Variants in ARID1A observed in about 807,000 individuals in gnomAD.
The protein encoded by ARID1A is AT-rich interaction domain 1A.
Under a neutral mutation model 212.6 loss-of-function variants are expected in ARID1A, and 20 were observed. That is an observed-to-expected ratio of 0.09 (90% CI 0.07 to 0.14). The LOEUF (loss-of-function observed/expected upper bound fraction) is 0.14, where lower values mean the gene tolerates loss of function less well. ARID1A is among the 10% of genes least tolerant of loss of function. ARID1A has a pLI of 1.00. For synonymous variants in ARID1A, 1,376 were observed against 1,222.1 expected, an observed-to-expected ratio of 1.13 and a Z score of -2.63; for missense variants, 2,587 against 3,059.0, an observed-to-expected ratio of 0.85 and a Z score of 3.64.
At position 26,710,366 on chromosome 1, in the gene ARID1A, AGAG is replaced by A. The variant is rs1431212787; in HGVS notation, c.1137+12828_1137+12830del. 8.2e-5 allele frequency among the ~76,000 whole-genome samples: 11 copies of A among 134,370 alleles called. No homozygotes were observed. The East Asian group carries it at 1.8e-3, about 23-fold the overall frequency. 88.2% of individuals were successfully genotyped at this position (134,370 alleles called of 152,430 possible). A position where few individuals can be genotyped will look rare whatever the true frequency, so the allele number is the denominator to read the frequency against. On this transcript the variant is annotated intron_variant, in intron 1 of 19. Coordinates refer to ENST00000324856, the MANE Select transcript of ARID1A (RefSeq NM_006015.6). ...GGAGAATCGCTTGAACCTGGGAGGC[AGAG>A]GTTGCAGTGAGCCGAGATCACGCTT...
At chr1:26,704,489 C>T (rs1012469445) in intron 1 of ARID1A, among the ~76,000 whole-genome samples, 7 of 152,118 alleles carry the variant, frequency 4.6e-5, no homozygotes, top group African/African-American at 1.7e-4. Flanking sequence ...TTGTGTTAGA[C>T]CTTATATTGA....
intron 1 of ARID1A, among the ~76,000 whole-genome samples, chr1:26,706,321 A>C (rs1362172660): frequency 6.6e-6 from 1 of 152,110 alleles, no homozygotes; most frequent in Non-Finnish European, 1.5e-5. Context: ...TCTCTCTTAA[A>C]CTTGTTCGTT....
chr1:26,741,443 G>C (rs2080787635), intron 4 of ARID1A, among the ~76,000 whole-genome samples: 1 of 152,110 alleles, frequency 6.6e-6, no homozygotes, highest in Non-Finnish European at 1.5e-5. Context: ...GAGTCTGGCT[G>C]AATCAGTCCA....
In ARID1A at chr1:26,696,801, G is replaced by A; in HGVS notation, c.398G>A (p.Gly133Glu). Reference protein sequence around the residue: ...GGGGGSSDGVGAPPHSAAAAL... With the variant: ...GGGGGSSDGVEAPPHSAAAAL... ...GGTGGCGGCAGCAGCGATGGGGTGG[G>A]GGCGCCTCCTCACTCAGCCGCGGCC... The change falls in exon 1 of 20, where the codon GGG (glycine) becomes GAG (glutamate). Residue 133 changes from glycine to glutamate, a missense_variant. Gly to Glu is a moderately conservative substitution (Grantham distance 98). Transcript: ENST00000324856. The A allele has an allele frequency of 7.5e-7, 1 of 1,340,756 alleles. No homozygotes were observed. The highest frequency in any genetic ancestry group is 9.5e-7 in the Non-Finnish European group (1 of 1,050,136). 83.1% of individuals were successfully genotyped at this position (1,340,756 alleles called of 1,614,324 possible).
intron 1 of ARID1A, among the ~76,000 whole-genome samples, chr1:26,710,378 G>A: frequency 7.4e-6 from 1 of 134,274 alleles, no homozygotes. Context: ...AGGTTGCAGT[G>A]AGCCGAGATC....
chr1:26,717,896 G>A (rs1030211155), intron 1 of ARID1A, among the ~76,000 whole-genome samples: 1 of 152,192 alleles, frequency 6.6e-6, no homozygotes, highest in African/African-American at 2.4e-5. Context: ...AAGGATCTAT[G>A]AATACAAAGG....
At chr1:26,714,090 T>C (rs973739837) in intron 1 of ARID1A, among the ~76,000 whole-genome samples, 1 of 152,192 alleles carries the variant, frequency 6.6e-6, no homozygotes, top group Non-Finnish European at 1.5e-5. Flanking sequence ...TGTTGGCTAG[T>C]TTAGAATGCC....
intron 1 of ARID1A, among the ~76,000 whole-genome samples, chr1:26,703,028 G>T (rs2080345847): frequency 6.6e-6 from 1 of 152,192 alleles, no homozygotes; most frequent in African/African-American, 2.4e-5. Flanking sequence ...CAACTTGAGT[G>T]TGATCTTTAT....
rs1160694314 is a variant in ARID1A, at chr1:26,772,604, A to G, written c.3511A>G (p.Ser1171Gly). The G allele has an allele frequency of 6.2e-7, 1 of 1,614,208 alleles. No individual in the cohort carries two copies. The highest frequency in any genetic ancestry group is 8.5e-7 in the Non-Finnish European group (1 of 1,180,038). The change falls in exon 13 of 20, where the codon AGT (serine) becomes GGT (glycine). Residue 1171 changes from serine to glycine, a missense_variant. Transcript: ENST00000324856. ...ACCAACTCCAGCATCCACACCACAC[A>G]GTCAGATCCCCCCATTGCCAGGCAT... ...KPPTPASTPH[S>G]QIPPLPGMSR...
chr1:26,756,798 A>G (rs940147508), intron 4 of ARID1A, among the ~76,000 whole-genome samples: 26 of 151,216 alleles, frequency 1.7e-4, no homozygotes, highest in Admixed American at 1.6e-3. Flanking sequence ...CGCCTTCCAG[A>G]TTCACGCCAT....
Position 26,696,295 on chromosome 1 carries a change from C to T in ARID1A, c.-109C>T, listed in dbSNP as rs1441863691. On this transcript the variant is annotated 5_prime_UTR_variant, in exon 1 of 20. Transcript: ENST00000324856. ...GCAGCGGAGCCCCGCGAGGCCCGCC[C>T]GGGCGGGTGGGGAGGGCAGCCCGGG... 223 of 1,091,564 alleles carry T rather than the reference C, an allele frequency of 2.0e-4. 3 individuals carry two copies. In the South Asian group the frequency reaches 7.5e-3, roughly 37 times the overall value. 67.6% of individuals were successfully genotyped at this position (1,091,564 alleles called of 1,614,324 possible). A position where few individuals can be genotyped will look rare whatever the true frequency, so the allele number is the denominator to read the frequency against.
intron 1 of ARID1A, among the ~76,000 whole-genome samples, chr1:26,703,920 A>G (rs1347682889): frequency 6.6e-6 from 1 of 152,262 alleles, no homozygotes; most frequent in Non-Finnish European, 1.5e-5. Flanking sequence ...TGTAGACCAC[A>G]CTAATTATGT....
Position 26,760,888 on chromosome 1 carries a change from G to A in ARID1A, c.1953G>A (p.Met651Ile), listed in dbSNP as rs2124054150. The part of the protein sequence containing the change: ...DLSGSIDDLP[M>I]GTEGALSPGV... ...CTGGTTCAATAGATGACCTCCCCATGGGGACAGAAGGAGCTCTGAGTCCTG... is the reference window on the plus strand; with the variant it reads ...CTGGTTCAATAGATGACCTCCCCATAGGGACAGAAGGAGCTCTGAGTCCTG... Residue 651 changes from methionine (M) to isoleucine (I), a missense_variant, in exon 5 of 20, where the codon ATG becomes ATA. Met to Ile is a conservative substitution (Grantham distance 10, BLOSUM62 1). Transcript: ENST00000324856. 1 of 1,613,836 alleles carries A rather than the reference G, an allele frequency of 6.2e-7. No homozygotes were observed. The highest frequency in any genetic ancestry group is 8.5e-7 in the Non-Finnish European group (1 of 1,179,856).
intron 1 of ARID1A, among the ~76,000 whole-genome samples, chr1:26,720,533 A>G (rs554297680): frequency 8.5e-4 from 129 of 152,114 alleles, no homozygotes; most frequent in Non-Finnish European, 1.6e-3. Flanking sequence ...ACCTTTGGGC[A>G]TGTAGCCCAA....
intron 1 of ARID1A, among the ~76,000 whole-genome samples, chr1:26,717,791 C>A (rs1309368339): frequency 2.0e-5 from 3 of 152,026 alleles, no homozygotes; most frequent in African/African-American, 7.3e-5. Flanking sequence ...GGGTTAAAAT[C>A]TTAGAGGAGT....
intron 3 of ARID1A, among the ~76,000 whole-genome samples, 160 bp from the exon 4 acceptor site, chr1:26,732,516 C>G (rs896129379): frequency 6.6e-5 from 10 of 152,158 alleles, no homozygotes; most frequent in African/African-American, 2.2e-4. Flanking sequence ...ACATTCTTAC[C>G]AGTCACAGCT....
Position 26,696,329 on chromosome 1 carries a change from C to G in ARID1A, c.-75C>G, listed in dbSNP as rs1262555380. ...GGGGAGGGCAGCCCGGGGGACTGGG[C>G]CCCGGGGCGGGGTGGGAGGGGGGGA... On this transcript the variant is annotated 5_prime_UTR_variant, in exon 1 of 20. Coordinates refer to ENST00000324856, the MANE Select transcript of ARID1A (RefSeq NM_006015.6). The G allele has an allele frequency of 5.8e-6, 7 of 1,198,594 alleles. No individual in the cohort carries two copies. Among genetic ancestry groups the G allele is most frequent in the Non-Finnish European group, 7.2e-6 (7 of 966,988 alleles). The allele number at this position is 1,198,594 out of a possible 1,614,324, so 74.2% of individuals were successfully genotyped here.
intron 8 of ARID1A, 36 bp downstream of exon 8, chr1:26,763,321 G>T: frequency 6.5e-7 from 1 of 1,544,874 alleles, no homozygotes; most frequent in Middle Eastern, 1.7e-4. Flanking sequence ...GTCAGTGCAA[G>T]AAAATGTATT....
chr1:26,735,138 G>C (rs1459775098), intron 4 of ARID1A, among the ~76,000 whole-genome samples: 2 of 148,250 alleles, frequency 1.3e-5, no homozygotes, highest in Non-Finnish European at 3.0e-5. Flanking sequence ...TTTTTTTTGG[G>C]GGGAGAGAGA....
Sources: allele counts gnomAD v4.1 joint callset (sites outside exome capture counted in the v4.1 genomes callset), GRCh38; gene constraint gnomAD v4.1.1; transcripts MANE v1.5; gene names NCBI Gene and HGNC (gene_info 2026-07-23, HGNC 2026-07-21).